Variants in CALN1 observed in about 807,000 individuals in gnomAD.
The protein encoded by CALN1 is calcium-binding protein 8.
A neutral mutation model predicts 30.6 loss-of-function variants in CALN1; 17 were observed. The observed-to-expected ratio is 0.56, with a 90% CI of 0.38 to 0.83. CALN1 has a LOEUF of 0.83. Among genes scored for constraint, CALN1 ranks in the 40% least tolerant of loss-of-function variants. The probability of loss-of-function intolerance (pLI) is 0.00; values close to 1 mark genes in which losing one functional copy is unlikely to be tolerated. For missense variants in CALN1, 291 were observed against 354.9 expected (o/e 0.82, Z 1.45); for synonymous variants, 156 against 131.4 (o/e 1.19, Z -1.28).
intron 3 of CALN1, among the ~76,000 whole-genome samples, chr7:72,150,872 TATGATGATG>T (rs139046404): frequency 1.2e-3 from 184 of 150,530 alleles, no homozygotes; most frequent in African/African-American, 3.9e-3. Flanking sequence ...GCTGTGATGA[TATGATGATG>T]ATGATGATGA....
intron 2 of CALN1, among the ~76,000 whole-genome samples, chr7:72,394,333 G>A (rs959003367): frequency 3.9e-5 from 6 of 152,142 alleles, no homozygotes; most frequent in African/African-American, 9.7e-5. Context: ...AAGAAAAAAT[G>A]TACATGTTTT....
In CALN1 at chr7:71,814,554, A is replaced by C. The variant is rs1788148882; in HGVS notation, c.502-4062T>G. On this transcript the variant is annotated intron_variant, in intron 5 of 6. Transcript: ENST00000395275. ...TATTTCCAGCTATAATTGAGCCTTG[A>C]AAAACATGGGTTTGAACTGTGTGGG... Among the ~76,000 whole-genome samples the C allele has an allele frequency of 2.6e-5, 4 of 152,264 alleles. No individual in the cohort carries two copies. In the South Asian group the frequency reaches 8.3e-4, roughly 32 times the overall value.
intron 5 of CALN1, among the ~76,000 whole-genome samples, chr7:71,877,738 T>C (rs753827327): frequency 1.4e-4 from 21 of 152,218 alleles, no homozygotes; most frequent in Non-Finnish European, 3.1e-4. Flanking sequence ...ATATATAATT[T>C]ATTGCAATGC....
intron 3 of CALN1, among the ~76,000 whole-genome samples, chr7:72,260,714 G>GC (rs569843069): frequency 3.3e-5 from 5 of 152,010 alleles, no homozygotes; most frequent in South Asian, 2.1e-4. Context: ...TATCTGAGGA[G>GC]CCCCCCACAC....
intron 3 of CALN1, among the ~76,000 whole-genome samples, chr7:72,133,626 C>A (rs1809313368): frequency 6.6e-6 from 1 of 152,122 alleles, no homozygotes; most frequent in Non-Finnish European, 1.5e-5. Flanking sequence ...AGTATTTTCC[C>A]ACTGAACACT....
intron 3 of CALN1, among the ~76,000 whole-genome samples, chr7:72,198,438 G>A (rs754135490): frequency 6.6e-6 from 1 of 152,102 alleles, no homozygotes; most frequent in Non-Finnish European, 1.5e-5. Context: ...AGCCATACCA[G>A]GCTTCTTCCT....
intron 5 of CALN1, among the ~76,000 whole-genome samples, chr7:71,938,342 T>C (rs188734321): frequency 2.3e-3 from 356 of 152,166 alleles, no homozygotes; most frequent in African/African-American, 8.3e-3. Flanking sequence ...TCAAAAAACA[T>C]TGGGTAAATA....
chr7:72,465,383 G>A, the CALN1 span, among the ~76,000 whole-genome samples: 2 of 152,182 alleles, frequency 1.3e-5, no homozygotes, highest in Non-Finnish European at 2.9e-5. Context: ...TCTGGGCTCT[G>A]TCTTCCTTGC....
intron 3 of CALN1, among the ~76,000 whole-genome samples, chr7:72,174,707 T>G (rs1789213860): frequency 6.6e-6 from 1 of 152,120 alleles, no homozygotes; most frequent in African/African-American, 2.4e-5. Flanking sequence ...AAAACTGAAC[T>G]GTAGTGATAG....
intron 5 of CALN1, among the ~76,000 whole-genome samples, chr7:71,987,801 T>C (rs1798752351): frequency 6.6e-6 from 1 of 152,244 alleles, no homozygotes; most frequent in Non-Finnish European, 1.5e-5. Flanking sequence ...GTCTCTTTTT[T>C]ATTGTCTCTA....
intron 4 of CALN1, among the ~76,000 whole-genome samples, chr7:72,058,565 T>A (rs913993829): frequency 9.2e-5 from 14 of 152,034 alleles, no homozygotes; most frequent in Non-Finnish European, 2.1e-4. Context: ...GTGATCTGCC[T>A]GCCTCGGCCT....
chr7:71,933,173 T>C lies in CALN1; in HGVS notation c.501+90484A>G, dbSNP rs10256623. On this transcript the variant is annotated intron_variant, in intron 5 of 6. Coordinates refer to ENST00000395275, the MANE Select transcript of CALN1 (RefSeq NM_031468.4). ...CATGTCCAAAATGGTGGCCCCATCT[T>C]CCCTCCTCTTTGCCAGCCGTATGTA... 4.2e-3 allele frequency among the ~76,000 whole-genome samples: 646 copies of C among 152,036 alleles called. 4 individuals carry two copies. The highest frequency in any genetic ancestry group is 0.015 in the African/African-American group (602 of 41,474).
intron 2 of CALN1, among the ~76,000 whole-genome samples, chr7:72,321,918 AAC>A (rs1800907954): frequency 6.6e-6 from 1 of 152,098 alleles, no homozygotes; most frequent in East Asian, 1.9e-4. Flanking sequence ...TCCACCACAA[AAC>A]ACAGTGGTTT....
At chr7:72,423,533 C>T (rs2129563744) in intron 1 of CALN1, among the ~76,000 whole-genome samples, 1 of 152,292 alleles carries the variant, frequency 6.6e-6, no homozygotes, top group South Asian at 2.1e-4. Flanking sequence ...GATACCAGCC[C>T]TGGGACACAG....
chr7:71,852,239 C>A lies in CALN1; in HGVS notation c.502-41747G>T, dbSNP rs116488205. 3.7e-3 allele frequency among the ~76,000 whole-genome samples: 562 copies of A among 152,244 alleles called. 6 individuals carry two copies. The highest frequency in any genetic ancestry group is 0.012 in the African/African-American group (508 of 41,542). ...GCTATTACGATCAAGACTCCATGAA[C>A]AATCTTGTACACATCATTTTACGGA... is the stretch of plus-strand genomic sequence containing the variant. On this transcript the variant is annotated intron_variant, in intron 5 of 6. Transcript: ENST00000395275.
the CALN1 span, among the ~76,000 whole-genome samples, chr7:72,498,925 C>A: frequency 3.9e-5 from 6 of 151,930 alleles, no homozygotes; most frequent in African/African-American, 1.5e-4. Flanking sequence ...TAAATTGACT[C>A]ATACACAGAC....
At chr7:72,082,020 T>A (rs1805178644) in intron 4 of CALN1, among the ~76,000 whole-genome samples, 1 of 151,812 alleles carries the variant, frequency 6.6e-6, no homozygotes, top group Non-Finnish European at 1.5e-5. Flanking sequence ...AGAGTCTTGC[T>A]CTGTTGCCCA....
intron 3 of CALN1, among the ~76,000 whole-genome samples, chr7:72,196,983 T>G (rs1490951890): frequency 2.6e-5 from 4 of 152,126 alleles, no homozygotes; most frequent in Non-Finnish European, 4.4e-5. Context: ...AGGGATAGTC[T>G]GAAAAACTCT....
intron 5 of CALN1, among the ~76,000 whole-genome samples, chr7:72,003,744 G>C (rs1799637440): frequency 6.6e-6 from 1 of 152,130 alleles, no homozygotes; most frequent in Non-Finnish European, 1.5e-5. Flanking sequence ...ATTATGGTGA[G>C]TTGTATAATT....
Sources: gnomAD v4.1 joint callset for allele counts (sites outside exome capture counted in the v4.1 genomes callset) on GRCh38, gnomAD v4.1.1 for gene constraint, MANE v1.5 for transcripts, NCBI Gene and HGNC (gene_info 2026-07-23, HGNC 2026-07-21) for gene names.